AOAH: variants seen among roughly 807,000 people sequenced by gnomAD.
AOAH encodes acyloxyacyl hydrolase (neutrophil).
In AOAH, 64 loss-of-function variants were observed where a neutral mutation model predicts 92.2. That is an observed-to-expected ratio of 0.69 (90% CI 0.57 to 0.86). The LOEUF (loss-of-function observed/expected upper bound fraction) is 0.86. Among genes scored for constraint, AOAH ranks in the 40% least tolerant of loss-of-function variants. The pLI, the probability that AOAH is intolerant of heterozygous loss-of-function variation, is 0.00. For synonymous variants in AOAH, 263 were observed against 254.5 expected, an observed-to-expected ratio of 1.03 and a Z score of -0.32; for missense variants, 656 against 694.6, an observed-to-expected ratio of 0.94 and a Z score of 0.62.
intron 4 of AOAH, among the ~76,000 whole-genome samples, chr7:36,654,282 T>C (rs957394191): frequency 9.9e-5 from 15 of 152,224 alleles, no homozygotes; most frequent in African/African-American, 3.6e-4. Flanking sequence ...CTTTCCTTCC[T>C]GTCCCTCTTC....
intron 13 of AOAH, among the ~76,000 whole-genome samples, chr7:36,569,567 ATATCTATCTATCTATCTATCTATC>A (rs56357618): frequency 7.7e-5 from 11 of 143,286 alleles, no homozygotes; most frequent in African/African-American, 2.1e-4. Context: ...CCAGATTTAC[ATATCTATCTATCTATCTATCTATC>A]TATCTATCTA....
chr7:36,519,517 G>A (rs1354505041), intron 20 of AOAH, among the ~76,000 whole-genome samples: 1 of 152,192 alleles, frequency 6.6e-6, no homozygotes, highest in Non-Finnish European at 1.5e-5. Flanking sequence ...TGCAACCTCT[G>A]CTTCCTGGGT....
At chr7:36,556,518 A>T (rs1319412376) in intron 13 of AOAH, among the ~76,000 whole-genome samples, 2 of 151,640 alleles carry the variant, frequency 1.3e-5, no homozygotes, top group East Asian at 3.9e-4. Context: ...TGCAGAGCTG[A>T]GTTCAATTCC....
chr7:36,546,412 A>G lies in AOAH; in HGVS notation c.1133+2200T>C, dbSNP rs145576867. On this transcript the variant is annotated intron_variant, in intron 15 of 20. Transcript: ENST00000617537. ...AGTTGCCATCTGTCTTTATTTTTTT[A>G]ACCCCTCCACAGGACATCACAAAGT... Among the ~76,000 whole-genome samples the G allele has an allele frequency of 8.7e-3, 1,325 of 152,282 alleles. 19 individuals carry two copies. Among genetic ancestry groups the G allele is most frequent in the African/African-American group, 0.03 (1,252 of 41,560 alleles).
chr7:36,678,725 G>C (rs1329960379), intron 2 of AOAH, among the ~76,000 whole-genome samples: 1 of 152,122 alleles, frequency 6.6e-6, no homozygotes, highest in Non-Finnish European at 1.5e-5. Context: ...TAGCTTGAGA[G>C]GCCCCTGGAG....
At chr7:36,626,656 T>C (rs1313333442) in intron 6 of AOAH, among the ~76,000 whole-genome samples, 1 of 152,242 alleles carries the variant, frequency 6.6e-6, no homozygotes, top group African/African-American at 2.4e-5. Context: ...GAAATATAAA[T>C]GTGATTGATC....
intron 12 of AOAH, among the ~76,000 whole-genome samples, chr7:36,577,456 A>G (rs533537242): frequency 1.3e-5 from 2 of 152,332 alleles, no homozygotes; most frequent in African/African-American, 4.8e-5. Flanking sequence ...TTGAGCTCCC[A>G]TATCAATTCC....
At chr7:36,717,258 C>T (rs1162557534) in intron 1 of AOAH, among the ~76,000 whole-genome samples, 1 of 152,108 alleles carries the variant, frequency 6.6e-6, no homozygotes, top group African/African-American at 2.4e-5. Context: ...AGCTCAGTAA[C>T]TTCAGTGAGG....
intron 12 of AOAH, among the ~76,000 whole-genome samples, chr7:36,588,732 A>C (rs894954769): frequency 6.6e-6 from 1 of 152,168 alleles, no homozygotes; most frequent in African/African-American, 2.4e-5. Context: ...TGGGTAGGAG[A>C]GAATAGATAA....
intron 1 of AOAH, among the ~76,000 whole-genome samples, chr7:36,687,794 G>T (rs1797131877): frequency 6.6e-6 from 1 of 152,120 alleles, no homozygotes; most frequent in Admixed American, 6.5e-5. Context: ...TACATACGTG[G>T]TGTCATTTAA....
chr7:36,703,307 C>A (rs1315578727), intron 1 of AOAH, among the ~76,000 whole-genome samples: 1 of 152,136 alleles, frequency 6.6e-6, no homozygotes, highest in East Asian at 1.9e-4. Context: ...ATGGTAAATC[C>A]TTTCCAGAAG....
chr7:36,710,083 T>C (rs1244153821), intron 1 of AOAH, among the ~76,000 whole-genome samples: 1 of 152,200 alleles, frequency 6.6e-6, no homozygotes, highest in Non-Finnish European at 1.5e-5. Flanking sequence ...TTATAATATT[T>C]CTGCCTCCTG....
At chr7:36,718,644 A>C (rs1283865343) in intron 1 of AOAH, among the ~76,000 whole-genome samples, 2 of 152,354 alleles carry the variant, frequency 1.3e-5, no homozygotes, top group South Asian at 2.1e-4. Flanking sequence ...GGGTTGATAC[A>C]TGCCACAACA....
intron 12 of AOAH, 79 bp from the exon 13 acceptor site, chr7:36,576,735 G>T: frequency 1.5e-6 from 1 of 671,374 alleles, no homozygotes; most frequent in East Asian, 3.1e-5. Flanking sequence ...TTTACATCAC[G>T]CTTTTAAAAA....
At chr7:36,688,363 A>G (rs558020234) in intron 1 of AOAH, among the ~76,000 whole-genome samples, 1 of 152,348 alleles carries the variant, frequency 6.6e-6, no homozygotes, top group Non-Finnish European at 1.5e-5. Flanking sequence ...AGAGATAACC[A>G]ATTTCACTTT....
chr7:36,561,301 C>T (rs1787244903), intron 13 of AOAH, among the ~76,000 whole-genome samples: 1 of 152,186 alleles, frequency 6.6e-6, no homozygotes, highest in African/African-American at 2.4e-5. Flanking sequence ...CTTCGCCTCC[C>T]AAAGTGCTGG....
chr7:36,558,147 G>A (rs1488824393), intron 13 of AOAH, among the ~76,000 whole-genome samples: 1 of 152,232 alleles, frequency 6.6e-6, no homozygotes, highest in Middle Eastern at 3.4e-3. Context: ...TGATGGTGAT[G>A]TACAGATGGG....
chr7:36,613,673 C>CCAA (rs1562622036), intron 11 of AOAH, among the ~76,000 whole-genome samples: 1 of 152,210 alleles, frequency 6.6e-6, no homozygotes, highest in African/African-American at 2.4e-5. Flanking sequence ...TCTGCACCAT[C>CCAA]CAACTTGCAA....
chr7:36,653,208 T>A (rs909275492), intron 4 of AOAH, among the ~76,000 whole-genome samples: 9 of 152,198 alleles, frequency 5.9e-5, no homozygotes, highest in Non-Finnish European at 1.2e-4. Context: ...ATTATGAGCA[T>A]CAGGTTCTTT....
Sources: allele counts gnomAD v4.1 joint callset (sites outside exome capture counted in the v4.1 genomes callset), GRCh38; gene constraint gnomAD v4.1.1; transcripts MANE v1.5; gene names NCBI Gene and HGNC (gene_info 2026-07-23, HGNC 2026-07-21).